RIMS2: variants seen among roughly 807,000 people sequenced by gnomAD.
RIMS2 encodes regulating synaptic membrane exocytosis 2.
A neutral mutation model predicts 174.4 loss-of-function variants in RIMS2; 59 were observed. The observed-to-expected ratio is 0.34, with a 90% CI of 0.27 to 0.42. The LOEUF is 0.42. RIMS2 is among the 10% of genes least tolerant of loss of function. The probability of loss-of-function intolerance (pLI) is 1.00; values close to 1 mark genes in which losing one functional copy is unlikely to be tolerated. For missense variants in RIMS2, 1,620 were observed against 1,666.3 expected (o/e 0.97, Z 0.48); for synonymous variants, 606 against 572.5 (o/e 1.06, Z -0.84).
chr8:103,812,347 T>G (rs1407116961), intron 3 of RIMS2, among the ~76,000 whole-genome samples: 1 of 149,490 alleles, frequency 6.7e-6, no homozygotes, highest in Non-Finnish European at 1.5e-5. Context: ...TTTTTTTTTT[T>G]TTTTTTTGTT....
chr8:104,141,809 G>C (rs1188746770), intron 19 of RIMS2, among the ~76,000 whole-genome samples: 1 of 151,998 alleles, frequency 6.6e-6, no homozygotes, highest in Admixed American at 6.6e-5. Context: ...CATCATTCAG[G>C]GCTCAGCTAA....
intron 19 of RIMS2, among the ~76,000 whole-genome samples, chr8:104,167,041 G>T (rs2441877): frequency 0.28 from 42,308 of 151,976 alleles, 6,213 homozygotes; most frequent in South Asian, 0.44. Context: ...ACTTAGATTT[G>T]TTCCATATCT....
chr8:103,939,760 C>G (rs2082108897), intron 13 of RIMS2, among the ~76,000 whole-genome samples: 1 of 152,148 alleles, frequency 6.6e-6, no homozygotes, highest in Non-Finnish European at 1.5e-5. Context: ...TGCTTTGCTG[C>G]TTCAACATTT....
intron 3 of RIMS2, among the ~76,000 whole-genome samples, chr8:103,869,270 A>G (rs2099098793): frequency 6.7e-6 from 1 of 149,574 alleles, no homozygotes. Context: ...ATCTCTGCTC[A>G]CTGCAACCTC....
chr8:104,252,208 G>T (rs1481429694), downstream of RIMS2: 3 of 228,594 alleles, frequency 1.3e-5, no homozygotes, highest in South Asian at 7.2e-5. Context: ...CCACAGAAAT[G>T]GAGCTATACA....
intron 19 of RIMS2, among the ~76,000 whole-genome samples, chr8:104,181,659 C>T (rs1248236168): frequency 5.9e-5 from 9 of 151,448 alleles, no homozygotes; most frequent in Admixed American, 3.3e-4. Flanking sequence ...TAATTTTGTA[C>T]TATTGCTTTT....
At chr8:103,913,692 A>G (rs376778378) in intron 6 of RIMS2, among the ~76,000 whole-genome samples, 2 of 152,184 alleles carry the variant, frequency 1.3e-5, no homozygotes, top group South Asian at 2.1e-4. Context: ...GAAGCTTACA[A>G]TTATGGTCAA....
intron 12 of RIMS2, among the ~76,000 whole-genome samples, chr8:103,935,026 G>A (rs998740487): frequency 2.0e-5 from 3 of 152,144 alleles, no homozygotes; most frequent in Non-Finnish European, 4.4e-5. Context: ...TAAATAGCAA[G>A]GCTCTGGTTA....
chr8:103,560,364 C>A (rs111672319), intron 1 of RIMS2, among the ~76,000 whole-genome samples: 1 of 151,602 alleles, frequency 6.6e-6, no homozygotes, highest in South Asian at 2.1e-4. Context: ...GTGACAAGAG[C>A]GAAACTCTGT....
chr8:103,947,414 G>A (rs2084066192), intron 14 of RIMS2, among the ~76,000 whole-genome samples: 4 of 152,170 alleles, frequency 2.6e-5, no homozygotes, highest in Admixed American at 2.6e-4. Context: ...ATCATAGAGT[G>A]CACTTACACA....
intron 19 of RIMS2, among the ~76,000 whole-genome samples, chr8:104,082,888 T>G (rs2097451197): frequency 6.6e-6 from 1 of 152,036 alleles, no homozygotes. Context: ...CATGAACAAA[T>G]TTGTGCTTTT....
At chr8:103,788,675 G>C (rs1335667046) in intron 3 of RIMS2, among the ~76,000 whole-genome samples, 2 of 151,930 alleles carry the variant, frequency 1.3e-5, no homozygotes, top group Non-Finnish European at 2.9e-5. Flanking sequence ...TCTCTTCAAA[G>C]CTGTCAGACA....
intron 1 of RIMS2, among the ~76,000 whole-genome samples, chr8:103,614,765 T>G (rs2095467804): frequency 6.6e-6 from 1 of 152,232 alleles, no homozygotes; most frequent in Non-Finnish European, 1.5e-5. Context: ...ATAAAAAGAT[T>G]GAATATTATG....
chr8:104,140,615 T>G (rs2098557508), intron 19 of RIMS2, among the ~76,000 whole-genome samples: 2 of 152,156 alleles, frequency 1.3e-5, no homozygotes, highest in Non-Finnish European at 2.9e-5. Flanking sequence ...TAGAGAAAAT[T>G]CCTTCTTTAT....
intron 19 of RIMS2, among the ~76,000 whole-genome samples, chr8:104,077,727 A>C: frequency 6.9e-6 from 1 of 145,912 alleles, no homozygotes; most frequent in South Asian, 2.2e-4. Context: ...ATGTGTAAAC[A>C]CAGATGTATA....
chr8:103,535,872 T>C (rs1033649331), intron 1 of RIMS2, among the ~76,000 whole-genome samples: 2 of 152,234 alleles, frequency 1.3e-5, no homozygotes, highest in Non-Finnish European at 2.9e-5. Flanking sequence ...TGTATCATTT[T>C]ATTATAGCAA....
At chr8:103,670,878 G>C (rs2096735681) in intron 1 of RIMS2, among the ~76,000 whole-genome samples, 1 of 152,152 alleles carries the variant, frequency 6.6e-6, no homozygotes, top group African/African-American at 2.4e-5. Flanking sequence ...CTGTTACCCA[G>C]TTCCAAAGTT....
chr8:103,909,948 T>C (rs915313713), intron 4 of RIMS2, among the ~76,000 whole-genome samples: 5 of 151,398 alleles, frequency 3.3e-5, no homozygotes, highest in Admixed American at 3.3e-4. Flanking sequence ...TAAATTTTAC[T>C]TTTTGAATAT....
intron 3 of RIMS2, among the ~76,000 whole-genome samples, chr8:103,777,190 G>A (rs1304706059): frequency 6.6e-6 from 1 of 151,878 alleles, no homozygotes; most frequent in Non-Finnish European, 1.5e-5. Context: ...GACTGAATGA[G>A]TAGATAAGTA....
Sources: gnomAD v4.1 joint callset for allele counts (sites outside exome capture counted in the v4.1 genomes callset) on GRCh38, gnomAD v4.1.1 for gene constraint, MANE v1.5 for transcripts, NCBI Gene and HGNC (gene_info 2026-07-23, HGNC 2026-07-21) for gene names.